The following SEMA5A variants were observed in gnomAD, a reference collection of about 807,000 sequenced individuals.
SEMA5A encodes semaphorin 5A.
Under a neutral mutation model 135.5 loss-of-function variants are expected in SEMA5A, and 55 were observed. The observed-to-expected ratio is 0.41, with a 90% confidence interval of 0.33 to 0.51. The LOEUF (loss-of-function observed/expected upper bound fraction) is 0.51. SEMA5A is among the 20% of genes least tolerant of loss of function. The pLI is 0.37. For missense variants in SEMA5A, 1,290 were observed against 1,419.9 expected, an observed-to-expected ratio of 0.91 and a Z score of 1.47; for synonymous variants, 580 against 546.5, an observed-to-expected ratio of 1.06 and a Z score of -0.85.
At chr5:9,087,679 A>T (rs1240195932) in intron 16 of SEMA5A, among the ~76,000 whole-genome samples, 1 of 152,114 alleles carries the variant, frequency 6.6e-6, no homozygotes, top group Non-Finnish European at 1.5e-5. Flanking sequence ...ATCATAACTT[A>T]TAATGGAGGT....
intron 13 of SEMA5A, among the ~76,000 whole-genome samples, chr5:9,132,675 C>T (rs1741497764): frequency 7.4e-6 from 1 of 135,560 alleles, no homozygotes; most frequent in Admixed American, 7.5e-5. Context: ...CTTTGGGAAA[C>T]TCAGTTGTGC....
At chr5:9,438,698 G>T (rs767080973) in intron 1 of SEMA5A, among the ~76,000 whole-genome samples, 3 of 152,122 alleles carry the variant, frequency 2.0e-5, no homozygotes, top group Non-Finnish European at 4.4e-5. Context: ...TTCCCAGGTG[G>T]CAGCTTCTGG....
intron 2 of SEMA5A, among the ~76,000 whole-genome samples, chr5:9,418,897 G>T (rs1001355903): frequency 3.9e-5 from 6 of 152,134 alleles, no homozygotes; most frequent in Non-Finnish European, 8.8e-5. Context: ...ATTTTCTTCC[G>T]CTAGCTTTCA....
chr5:9,221,341 C>G (rs1411898033), intron 8 of SEMA5A, among the ~76,000 whole-genome samples: 1 of 129,514 alleles, frequency 7.7e-6, no homozygotes, highest in Non-Finnish European at 1.6e-5. Context: ...CTCGCTGTGT[C>G]ACCCAGGCTG....
chr5:9,191,457 G>T (rs1449020060), intron 10 of SEMA5A, among the ~76,000 whole-genome samples: 1 of 152,148 alleles, frequency 6.6e-6, no homozygotes, highest in African/African-American at 2.4e-5. Context: ...TTAATTCCTG[G>T]TACAAATGGT....
chr5:9,197,747 TGTGTG>T (rs770940443), intron 9 of SEMA5A, among the ~76,000 whole-genome samples: 2,122 of 134,228 alleles, frequency 0.016, 121 homozygotes, highest in Admixed American at 0.11. Context: ...TGTGTGTGTG[TGTGTG>T]TGTGTGTGTG....
At chr5:9,264,170 T>C (rs1207754049) in intron 5 of SEMA5A, among the ~76,000 whole-genome samples, 1 of 152,220 alleles carries the variant, frequency 6.6e-6, no homozygotes, top group Non-Finnish European at 1.5e-5. Flanking sequence ...TAGATCACAT[T>C]AGTTTTCATT....
intron 2 of SEMA5A, among the ~76,000 whole-genome samples, chr5:9,395,213 C>T (rs989612176): frequency 3.9e-5 from 6 of 152,062 alleles, no homozygotes; most frequent in African/African-American, 1.4e-4. Context: ...AGGTATAAGA[C>T]AGCAGAAAAC....
intron 5 of SEMA5A, among the ~76,000 whole-genome samples, chr5:9,246,976 A>G (rs1748514224): frequency 1.3e-5 from 2 of 152,198 alleles, no homozygotes; most frequent in Admixed American, 1.3e-4. Context: ...GTTATATGCC[A>G]AGGTTTCATC....
chr5:9,186,281 C>T (rs1001598309), intron 11 of SEMA5A, among the ~76,000 whole-genome samples: 1 of 152,172 alleles, frequency 6.6e-6, no homozygotes, highest in African/African-American at 2.4e-5. Flanking sequence ...AGCATAGTGG[C>T]AGCAGTGGGA....
At chr5:9,216,471 G>T (rs1746636313) in intron 8 of SEMA5A, among the ~76,000 whole-genome samples, 2 of 152,098 alleles carry the variant, frequency 1.3e-5, no homozygotes, top group Admixed American at 1.3e-4. Flanking sequence ...GTAGTTTTTT[G>T]GTGGAGAGTT....
chr5:9,539,025 A>G (rs559499615), intron 1 of SEMA5A, among the ~76,000 whole-genome samples: 1 of 152,342 alleles, frequency 6.6e-6, no homozygotes, highest in African/African-American at 2.4e-5. Context: ...TTTTTAGTAC[A>G]TGTACAGAGT....
At chr5:9,325,004 G>C (rs1752807071) in intron 4 of SEMA5A, among the ~76,000 whole-genome samples, 1 of 152,204 alleles carries the variant, frequency 6.6e-6, no homozygotes, top group Non-Finnish European at 1.5e-5. Flanking sequence ...GATGTAAATA[G>C]GTAGTAATAA....
intron 1 of SEMA5A, among the ~76,000 whole-genome samples, chr5:9,477,827 GA>G (rs536473697): frequency 7.5e-4 from 114 of 152,156 alleles, no homozygotes; most frequent in Non-Finnish European, 1.4e-3. Flanking sequence ...CCATGCAGTA[GA>G]AAAGAAAAAA....
intron 11 of SEMA5A, among the ~76,000 whole-genome samples, chr5:9,179,661 T>A (rs746173521): frequency 2.0e-5 from 3 of 152,228 alleles, no homozygotes; most frequent in Non-Finnish European, 4.4e-5. Context: ...TTTTATAGCA[T>A]TTTAAGTGGT....
chr5:9,149,310 G>A (rs1904454), intron 12 of SEMA5A, among the ~76,000 whole-genome samples: 55,734 of 152,030 alleles, frequency 0.37, 12,524 homozygotes, highest in Non-Finnish European at 0.51. Flanking sequence ...TTGCCAACAT[G>A]CTGATCCACT....
chr5:9,210,393 G>T (rs909432650), intron 8 of SEMA5A, among the ~76,000 whole-genome samples: 96 of 152,236 alleles, frequency 6.3e-4, no homozygotes, highest in African/African-American at 2.3e-3. Context: ...ACCCATAAAG[G>T]TCTGCATTAA....
chr5:9,421,130 A>G (rs1269249362), intron 2 of SEMA5A, among the ~76,000 whole-genome samples: 2 of 152,224 alleles, frequency 1.3e-5, no homozygotes, highest in African/African-American at 2.4e-5. Context: ...CCCTACCCAC[A>G]TAATCAGTGT....
At chr5:9,370,228 C>G (rs1755078604) in intron 3 of SEMA5A, among the ~76,000 whole-genome samples, 1 of 152,188 alleles carries the variant, frequency 6.6e-6, no homozygotes, top group African/African-American at 2.4e-5. Context: ...CTTCTGAGAG[C>G]TGCCATGAGC....
Sources: gnomAD v4.1 joint callset for allele counts (sites outside exome capture counted in the v4.1 genomes callset) on GRCh38, gnomAD v4.1.1 for gene constraint, MANE v1.5 for transcripts, NCBI Gene and HGNC (gene_info 2026-07-23, HGNC 2026-07-21) for gene names.